ASB7: variants seen among roughly 807,000 people sequenced by gnomAD.
ASB7 encodes ankyrin repeat and SOCS box containing 7.
ASB7 carries 4 observed loss-of-function variants against 32.5 expected under a neutral mutation model. The observed-to-expected ratio is 0.12, with a 90% CI of 0.06 to 0.28. The LOEUF (loss-of-function observed/expected upper bound fraction) is 0.28, where lower values mean the gene tolerates loss of function less well. ASB7 is among the 10% of genes least tolerant of loss of function. The probability of loss-of-function intolerance (pLI) is 1.00; values close to 1 mark genes in which losing one functional copy is unlikely to be tolerated. For missense variants in ASB7, 181 were observed against 407.1 expected, an observed-to-expected ratio of 0.44 and a Z score of 4.78; for synonymous variants, 172 against 155.6, an observed-to-expected ratio of 1.11 and a Z score of -0.78.
chr15:100,616,401 G>T (rs1302330562), intron 4 of ASB7, among the ~76,000 whole-genome samples: 1 of 151,944 alleles, frequency 6.6e-6, no homozygotes. Flanking sequence ...TTGTGCCCTT[G>T]GTGTCTTGTT....
chr15:100,645,168 G>A (rs1427967790), intron 5 of ASB7, among the ~76,000 whole-genome samples: 1 of 152,144 alleles, frequency 6.6e-6, no homozygotes, highest in Non-Finnish European at 1.5e-5. Context: ...TAACTGTGAG[G>A]TCAAAATGAT....
intron 5 of ASB7, among the ~76,000 whole-genome samples, chr15:100,632,655 A>T (rs34589364): frequency 1.3e-5 from 2 of 152,042 alleles, no homozygotes; most frequent in African/African-American, 4.8e-5. Flanking sequence ...ATGATTGGAG[A>T]TCGCAGACTG....
intron 5 of ASB7, chr15:100,638,455 TAAAGAA>T (rs898249742): frequency 6.6e-6 from 1 of 152,116 alleles, no homozygotes; most frequent in African/African-American, 2.4e-5. Context: ...TGACTAGTCT[TAAAGAA>T]AAAGAAAAAC....
chr15:100,636,236 A>G (rs1433557639), intron 5 of ASB7, among the ~76,000 whole-genome samples: 2 of 152,192 alleles, frequency 1.3e-5, no homozygotes, highest in Admixed American at 1.3e-4. Flanking sequence ...TTTGCCCCAC[A>G]TCTTCAGTTT....
At chr15:100,617,025 A>G (rs2039749755) in intron 4 of ASB7, among the ~76,000 whole-genome samples, 1 of 152,152 alleles carries the variant, frequency 6.6e-6, no homozygotes, top group Admixed American at 6.5e-5. Flanking sequence ...TCTAGAAACC[A>G]TCCTTGGTAC....
intron 4 of ASB7, among the ~76,000 whole-genome samples, chr15:100,628,842 C>A (rs1415186578): frequency 6.6e-6 from 1 of 152,154 alleles, no homozygotes; most frequent in Non-Finnish European, 1.5e-5. Context: ...ACTAAGAATT[C>A]AGAATAGACT....
At chr15:100,617,728 GTTT>G (rs1459741840) in intron 4 of ASB7, among the ~76,000 whole-genome samples, 1 of 152,116 alleles carries the variant, frequency 6.6e-6, no homozygotes, top group African/African-American at 2.4e-5. Context: ...GTAATGAATT[GTTT>G]TATAGTTCTT....
chr15:100,648,412 A>C lies in ASB7; in HGVS notation c.907A>C (p.Ile303Leu). The C allele has an allele frequency of 1.9e-6, 3 of 1,609,888 alleles. No individual in the cohort carries two copies. The highest frequency in any genetic ancestry group is 1.7e-6 in the Non-Finnish European group (2 of 1,176,258). ...CCTAAAGCTACTTGATGAACTACCA[A>C]TTGCCAAGGTCATGAAAGACTACTT... ...QNLKLLDELP[I>L]AKVMKDYLKH... is the part of the protein sequence containing the mutation. The change falls in exon 6 of 6, where the codon ATT becomes CTT. Residue 303 changes from isoleucine (I) to leucine (L), a missense_variant. Physicochemically the swap from Ile to Leu is conservative, Grantham distance 5. Transcript: ENST00000332783.
chr15:100,605,626 T>C (rs1159055344), intron 2 of ASB7, among the ~76,000 whole-genome samples: 2 of 152,210 alleles, frequency 1.3e-5, no homozygotes, highest in Non-Finnish European at 2.9e-5. Context: ...GGCATATCTG[T>C]TACCTGACTT....
At chr15:100,632,046 C>G (rs999403017) in intron 5 of ASB7, among the ~76,000 whole-genome samples, 2 of 152,368 alleles carry the variant, frequency 1.3e-5, no homozygotes, top group East Asian at 1.9e-4. Flanking sequence ...ACGTGGGCGG[C>G]TGCCGTGTGT....
At chr15:100,606,192 G>GC (rs1555437368) in intron 2 of ASB7, among the ~76,000 whole-genome samples, 2,414 of 149,572 alleles carry the variant, frequency 0.016, 67 homozygotes, top group African/African-American at 0.056. Flanking sequence ...TTGAAGGATT[G>GC]TTTTTTTTTT....
intron 4 of ASB7, among the ~76,000 whole-genome samples, chr15:100,627,316 A>C (rs957513054): frequency 1.3e-5 from 2 of 152,194 alleles, no homozygotes; most frequent in Non-Finnish European, 1.5e-5. Context: ...TTTTTTTGAT[A>C]AAAGGACATT....
intron 5 of ASB7, among the ~76,000 whole-genome samples, chr15:100,641,932 C>T (rs577681049): frequency 3.3e-5 from 5 of 152,290 alleles, no homozygotes; most frequent in African/African-American, 1.2e-4. Flanking sequence ...AGCCCAAGAT[C>T]ACAGAGACTG....
At chr15:100,638,663 T>C (rs1449960800) in intron 5 of ASB7, among the ~76,000 whole-genome samples, 1 of 152,222 alleles carries the variant, frequency 6.6e-6, no homozygotes, top group Non-Finnish European at 1.5e-5. Flanking sequence ...TTTCACGGCT[T>C]ACTTTGACAG....
At chr15:100,646,301 C>A in intron 5 of ASB7, 1 of 390,812 alleles carries the variant, frequency 2.6e-6, no homozygotes, top group Non-Finnish European at 5.1e-6. Flanking sequence ...GAAGTCTCAT[C>A]ATAAGAACCA....
intron 4 of ASB7, among the ~76,000 whole-genome samples, chr15:100,620,009 C>T (rs896018001): frequency 2.0e-5 from 3 of 152,176 alleles, no homozygotes; most frequent in African/African-American, 4.8e-5. Flanking sequence ...TTCAGTTCCT[C>T]GGACACAGTA....
chr15:100,627,053 T>G (rs1431136838), intron 4 of ASB7, among the ~76,000 whole-genome samples: 1 of 152,100 alleles, frequency 6.6e-6, no homozygotes, highest in Non-Finnish European at 1.5e-5. Context: ...ATCTGTACCC[T>G]TAAAGTGAAT....
chr15:100,605,238 G>A (rs1243814748), intron 2 of ASB7, among the ~76,000 whole-genome samples: 1 of 152,124 alleles, frequency 6.6e-6, no homozygotes, highest in Non-Finnish European at 1.5e-5. Flanking sequence ...ATTATACCAG[G>A]CATTTAGAAT....
At chr15:100,648,213 A>T in intron 5 of ASB7, 110 bp from the exon 6 acceptor site, 24 of 1,189,248 alleles carry the variant, frequency 2.0e-5, no homozygotes, top group Non-Finnish European at 2.7e-5. Context: ...GGTCCTTTGC[A>T]TGTCAAGTCC....
Sources: allele counts gnomAD v4.1 joint callset (sites outside exome capture counted in the v4.1 genomes callset), GRCh38; gene constraint gnomAD v4.1.1; transcripts MANE v1.5; gene names NCBI Gene and HGNC (gene_info 2026-07-23, HGNC 2026-07-21).